Variants in ANK2 observed in about 807,000 individuals in gnomAD.
ANK2 encodes ankyrin-2.
A neutral mutation model predicts 360.5 loss-of-function variants in ANK2; 83 were observed. The observed-to-expected ratio is 0.23, with a 90% CI of 0.19 to 0.28. ANK2 has a LOEUF of 0.28. Ranked by LOEUF, ANK2 falls within the 10% of genes least tolerant of loss-of-function variation. The pLI is 1.00. For missense variants in ANK2, 4,201 were observed against 4,795.7 expected (o/e 0.88, Z 3.66); for synonymous variants, 1,740 against 1,759.5 (o/e 0.99, Z 0.28).
At chr4:112,710,803 C>T in the ANK2 span, among the ~76,000 whole-genome samples, 2 of 151,452 alleles carry the variant, frequency 1.3e-5, no homozygotes, top group African/African-American at 4.8e-5. Context: ...CTTTCAGTTA[C>T]CTTTTGCCTC....
intron 23 of ANK2, among the ~76,000 whole-genome samples, chr4:113,309,065 T>C (rs974356979): frequency 1.3e-5 from 2 of 152,218 alleles, no homozygotes; most frequent in African/African-American, 4.8e-5. Context: ...TTCAAAGTGA[T>C]TTTTCACATT....
rs988436924 is a variant in ANK2 at position 112,904,546 on chromosome 4, G to A, written c.21+32G>A. On this transcript the variant is annotated intron_variant, in intron 2 of 30. Coordinates refer to the ANK2 transcript ENST00000503271. ...TTGGTATTTTAAATATTACTTTAAAGGAATCTTATAAAAAGACACGGAGGT... is the reference window on the plus strand; with the variant it reads ...TTGGTATTTTAAATATTACTTTAAAAGAATCTTATAAAAAGACACGGAGGT... 6.3e-6 allele frequency: 9 copies of A among 1,424,784 alleles called. No individual in the cohort carries two copies. In the East Asian group the frequency reaches 2.1e-4, roughly 33 times the overall value. 88.3% of individuals were successfully genotyped at this position (1,424,784 alleles called of 1,614,324 possible).
At chr4:112,802,183 GCAA>G in the ANK2 span, among the ~76,000 whole-genome samples, 2,672 of 152,162 alleles carry the variant, frequency 0.018, 90 homozygotes, top group African/African-American at 0.059. Flanking sequence ...AGGTATTTGT[GCAA>G]CAACTGAGGA....
In ANK2 at chr4:113,348,285, T is replaced by A; in HGVS notation, c.4381T>A (p.Ser1461Thr). The A allele has an allele frequency of 6.2e-7, 1 of 1,613,402 alleles. No homozygotes were observed. ...TLPIYTKESE[S>T]DQEQEEEIDM... ...ATCTTGGGGCGGAAAGGAATCAGAG[T>A]CAGATCAAGAACAGGAGGAAGAGGT... is the stretch of plus-strand genomic sequence containing the variant. Residue 1461 changes from serine to threonine, a missense_variant, in exon 36 of 46, where the codon TCA becomes ACA. Around this residue, in one of 4 missense-constraint regions of ANK2, gnomAD observed 1,268 missense variants for 1,650.8 expected, o/e 0.77. Coordinates refer to ENST00000357077, the MANE Select transcript of ANK2 (RefSeq NM_001148.6).
chr4:113,043,581 C>T (rs1460913716), intron 2 of ANK2, among the ~76,000 whole-genome samples: 2 of 152,004 alleles, frequency 1.3e-5, no homozygotes. Context: ...TGACCAGTGG[C>T]TTTTTCATTG....
intron 2 of ANK2, among the ~76,000 whole-genome samples, chr4:112,964,566 CTTTTTTCTTTTT>C (rs1025908360): frequency 6.7e-6 from 1 of 148,236 alleles, no homozygotes; most frequent in Non-Finnish European, 1.5e-5. Flanking sequence ...ATTTTCTTTT[CTTTTTTCTTTTT>C]TTTTTTTTTT....
rs546604842 is a variant in ANK2 at position 112,983,179 on chromosome 4, A to C, written c.21+78665A>C. Among the ~76,000 whole-genome samples, 32 of 152,338 alleles carry C rather than the reference A, an allele frequency of 2.1e-4. 1 individual carries two copies. The highest frequency in any genetic ancestry group is 4.1e-4 in the South Asian group (2 of 4,824). On this transcript the variant is annotated intron_variant, in intron 2 of 30. Coordinates refer to the ANK2 transcript ENST00000503271. Reference sequence around the variant, plus strand: ...AATTTTAAAATAACATGAATTTCTGAATATAATGGGTAAATTTCTTCACAT... The same window carrying C: ...AATTTTAAAATAACATGAATTTCTGCATATAATGGGTAAATTTCTTCACAT...
chr4:113,250,762 C>CG (rs1554340298), intron 10 of ANK2, among the ~76,000 whole-genome samples: 1 of 136,930 alleles, frequency 7.3e-6, no homozygotes, highest in African/African-American at 2.7e-5. Flanking sequence ...ACCGCCCCCC[C>CG]CCCCGACAGA....
At chr4:112,855,089 C>T (rs1386876928) in intron 1 of ANK2, among the ~76,000 whole-genome samples, 1 of 152,134 alleles carries the variant, frequency 6.6e-6, no homozygotes, top group Non-Finnish European at 1.5e-5. Flanking sequence ...AGAAATTGCA[C>T]TGTTAATAGG....
At chr4:113,014,702 C>A (rs2055941897) in intron 2 of ANK2, among the ~76,000 whole-genome samples, 1 of 151,962 alleles carries the variant, frequency 6.6e-6, no homozygotes, top group Admixed American at 6.5e-5. Flanking sequence ...CTCCATCTTT[C>A]TCCAAGTTAT....
rs768923957 is a variant in ANK2, at chr4:113,255,970, T to G, written c.1188+38T>G. The G allele has an allele frequency of 5.3e-5, 84 of 1,598,154 alleles. 1 individual carries two copies. The Admixed American group carries it at 1.4e-3, about 26-fold the overall frequency. On this transcript the variant is annotated intron_variant, in intron 11 of 45. Transcript: ENST00000357077. The stretch of plus-strand genomic sequence containing the variant: ...CAGTCCACATTAACTGAATACAGAT[T>G]GAGACAAACAAACCCACATTCATTG...
In ANK2 at chr4:113,333,225, C is replaced by T. The variant is rs201185141; in HGVS notation, c.3379+17C>T. On this transcript the variant is annotated intron_variant, in intron 29 of 45. Transcript: ENST00000357077. Reference sequence around the variant, plus strand: ...TGGATGAAGGTACTTTCAGATGAAGCGTTTTAAAAGAAATCTAAACTGGAA... The same window carrying T: ...TGGATGAAGGTACTTTCAGATGAAGTGTTTTAAAAGAAATCTAAACTGGAA... 1.9e-5 allele frequency: 30 copies of T among 1,612,254 alleles called. No homozygotes were observed. In the Admixed American group the frequency reaches 4.0e-4, roughly 22 times the overall value.
chr4:112,874,365 G>A (rs1384485807), intron 1 of ANK2, among the ~76,000 whole-genome samples: 3 of 151,084 alleles, frequency 2.0e-5, no homozygotes, highest in Admixed American at 2.0e-4. Flanking sequence ...TTACAGGCGT[G>A]AGCCACTGCA....
At chr4:113,288,547 T>A in intron 20 of ANK2, 61 bp downstream of exon 20, 1 of 1,371,320 alleles carries the variant, frequency 7.3e-7, no homozygotes, top group South Asian at 1.2e-5. Context: ...ATCTGGATGC[T>A]TCACTAGTTT....
chr4:112,967,980 G>A (rs1006691322), intron 2 of ANK2, among the ~76,000 whole-genome samples: 3 of 152,094 alleles, frequency 2.0e-5, no homozygotes, highest in Non-Finnish European at 2.9e-5. Context: ...CCTGGTATTT[G>A]ATAGTTGATT....
At chr4:112,997,288 A>G (rs73840981) in intron 2 of ANK2, among the ~76,000 whole-genome samples, 3,312 of 152,140 alleles carry the variant, frequency 0.022, 101 homozygotes, top group African/African-American at 0.068. Flanking sequence ...CTCTTTAGCA[A>G]TTTTCAAGTA....
chr4:112,786,445 T>C, the ANK2 span, among the ~76,000 whole-genome samples: 508 of 150,632 alleles, frequency 3.4e-3, 3 homozygotes, highest in African/African-American at 0.012. Context: ...TCGCCCAGGC[T>C]GGAGTGCAGT....
chr4:113,356,131 G>T lies in ANK2; in HGVS notation c.7513G>T (p.Val2505Leu). 6.2e-7 allele frequency: 1 copy of T among 1,614,082 alleles called. No homozygotes were observed. Among genetic ancestry groups the T allele is most frequent in the Non-Finnish European group, 8.5e-7 (1 of 1,179,998 alleles). ...KTELLTEVAS[V>L]RSRLLRDPDG... is the part of the protein sequence containing the mutation. ...AGAACTCTTGACGGAAGTGGCCTCT[G>T]TGCGGTCCCGGCTACTCCGAGACCC... Residue 2505 changes from valine (V) to leucine (L), a missense_variant, in exon 38 of 46, where the codon GTG (valine) becomes TTG (leucine). Physicochemically the swap from Val to Leu is conservative, Grantham distance 32. Coordinates refer to ENST00000357077, the MANE Select transcript of ANK2 (RefSeq NM_001148.6).
the ANK2 span, among the ~76,000 whole-genome samples, chr4:112,714,055 A>T: frequency 2.6e-5 from 4 of 151,924 alleles, no homozygotes; most frequent in African/African-American, 9.7e-5. Flanking sequence ...TCAACATTTG[A>T]TGTTGGCATT....
Sources: gnomAD v4.1 joint callset for allele counts (sites outside exome capture counted in the v4.1 genomes callset) on GRCh38, gnomAD v4.1.1 for gene constraint, gnomAD v4.1.1 regional missense constraint, MANE v1.5 for transcripts, NCBI Gene and HGNC (gene_info 2026-07-23, HGNC 2026-07-21) for gene names.